TRMT2B: variants seen among roughly 807,000 people sequenced by gnomAD.
TRMT2B encodes tRNA methyltransferase 2B.
TRMT2B carries 34 observed loss-of-function variants against 39.7 expected under a neutral mutation model. That is an observed-to-expected ratio of 0.86 (90% CI 0.65 to 1.14). The LOEUF (loss-of-function observed/expected upper bound fraction) is 1.14, where lower values mean the gene tolerates loss of function less well. Ranked by LOEUF, TRMT2B falls within the 50% of genes most tolerant of loss-of-function variation. The pLI is 0.00. For missense variants in TRMT2B, 318 were observed against 377.2 expected (o/e 0.84, Z 1.30); for synonymous variants, 132 against 137.3 (o/e 0.96, Z 0.27).
At chrX:101,032,033 C>G (rs2087501479) in intron 7 of TRMT2B, among the ~76,000 whole-genome samples, 1 of 110,966 alleles carries the variant, frequency 9.0e-6, no homozygotes, top group Non-Finnish European at 1.9e-5. Context: ...TGCCTATAAT[C>G]CCAGCACTTT....
intron 2 of TRMT2B, among the ~76,000 whole-genome samples, chrX:101,049,522 G>T (rs949571842): frequency 2.2e-4 from 23 of 106,397 alleles, no homozygotes; most frequent in Non-Finnish European, 3.5e-4. Flanking sequence ...AGCCAGGCGG[G>T]GTGGCTCAGG....
the TRMT2B span, among the ~76,000 whole-genome samples, chrX:101,001,824 C>CAA: frequency 0.015 from 896 of 59,919 alleles, 30 homozygotes; most frequent in African/African-American, 0.057. Flanking sequence ...AAGTGATATT[C>CAA]AAAAAAAAAA....
intron 6 of TRMT2B, among the ~76,000 whole-genome samples, chrX:101,036,419 TG>T (rs1347979913): frequency 1.2e-5 from 1 of 82,994 alleles, no homozygotes; most frequent in African/African-American, 5.1e-5. Context: ...CACTCCAGCC[TG>T]GGTGACAGTG....
chrX:100,979,516 C>A, the TRMT2B span, among the ~76,000 whole-genome samples: 28 of 111,615 alleles, frequency 2.5e-4, no homozygotes, highest in African/African-American at 9.1e-4. Flanking sequence ...TTTGTGTTAT[C>A]TTGGACTTCA....
At chrX:101,042,456 G>A (rs977855225) in intron 2 of TRMT2B, 144 bp from the exon 3 acceptor site, 28 of 587,566 alleles carry the variant, frequency 4.8e-5, no homozygotes, top group Non-Finnish European at 6.5e-5. Flanking sequence ...CTGTTGAGCA[G>A]AACTGAATTA....
chrX:101,001,931 G>C, the TRMT2B span, among the ~76,000 whole-genome samples: 1 of 110,125 alleles, frequency 9.1e-6, no homozygotes, highest in African/African-American at 3.3e-5. Flanking sequence ...CCAAAGAACA[G>C]ATCCAGAGAC....
intron 7 of TRMT2B, among the ~76,000 whole-genome samples, chrX:101,028,279 C>T (rs1486092439): frequency 9.2e-6 from 1 of 109,163 alleles, no homozygotes; most frequent in East Asian, 2.9e-4. Flanking sequence ...CCACCACATC[C>T]GGCTAATTTT....
chrX:101,051,664 T>G lies in TRMT2B; in HGVS notation c.-437A>C. 1 of 754,856 alleles carries G rather than the reference T, an allele frequency of 1.3e-6. No homozygotes were observed. Among genetic ancestry groups the G allele is most frequent in the South Asian group, 6.7e-5 (1 of 14,880 alleles). The allele number at this position is 754,856 out of a possible 1,213,427, so 62.2% of individuals were successfully genotyped here. A position where few individuals can be genotyped will look rare whatever the true frequency, so the allele number is the denominator to read the frequency against. ...ACGACCTTGCGCAGTCACCGTCGGG[T>G]CCCGTCTCCAGCCCCGCCTGCCTCC... On this transcript the variant is annotated 5_prime_UTR_variant, in exon 2 of 14. Coordinates refer to ENST00000372936, the MANE Select transcript of TRMT2B (RefSeq NM_024917.6).
the TRMT2B span, chrX:100,987,347 C>T: frequency 9.3e-6 from 11 of 1,188,191 alleles, no homozygotes; most frequent in East Asian, 3.0e-5. Flanking sequence ...CCCCAGGGGT[C>T]CCAGGCTCCA....
At chrX:100,977,085 G>A in the TRMT2B span, among the ~76,000 whole-genome samples, 6 of 111,449 alleles carry the variant, frequency 5.4e-5, no homozygotes, top group Admixed American at 4.8e-4. Flanking sequence ...TATGAGATAC[G>A]TGAGATACGT....
At chrX:101,032,914 A>T (rs1052595327) in intron 7 of TRMT2B, among the ~76,000 whole-genome samples, 1 of 110,625 alleles carries the variant, frequency 9.0e-6, no homozygotes, top group Non-Finnish European at 1.9e-5. Flanking sequence ...AGCTTTTGAG[A>T]TATGGAAAAT....
chrX:100,986,985 T>C, the TRMT2B span: 4 of 605,741 alleles, frequency 6.6e-6, no homozygotes, highest in Middle Eastern at 3.3e-4. Flanking sequence ...GTCCCATATG[T>C]TGGGTTTGGG....
chrX:101,045,455 G>A (rs868020300), intron 2 of TRMT2B, among the ~76,000 whole-genome samples: 179 of 71,163 alleles, frequency 2.5e-3, no homozygotes, highest in African/African-American at 9.3e-3. Flanking sequence ...ACTTCATCTC[G>A]AAAAAAAAAA....
chrX:101,042,295 G>A lies in TRMT2B; in HGVS notation c.-6C>T, dbSNP rs1348271831. ...CTTCTCTTAAGGCCTGCCATCCAAAGAACACACTGAAATCCACCTGCATGA... is the reference window on the plus strand; with the variant it reads ...CTTCTCTTAAGGCCTGCCATCCAAAAAACACACTGAAATCCACCTGCATGA... On this transcript the variant is annotated 5_prime_UTR_variant, in exon 3 of 14. Coordinates refer to ENST00000372936, the MANE Select transcript of TRMT2B (RefSeq NM_024917.6). 3.3e-6 allele frequency: 4 copies of A among 1,204,407 alleles called. No homozygotes were observed. The highest frequency in any genetic ancestry group is 4.5e-6 in the Non-Finnish European group (4 of 891,845).
intron 2 of TRMT2B, among the ~76,000 whole-genome samples, chrX:101,046,140 A>C (rs1286375241): frequency 2.9e-5 from 2 of 68,468 alleles, no homozygotes; most frequent in Non-Finnish European, 5.3e-5. Context: ...AGTGAGACTC[A>C]GTCTCAAAAA....
the TRMT2B span, chrX:100,988,359 T>A: frequency 8.3e-7 from 1 of 1,206,997 alleles, no homozygotes; most frequent in Non-Finnish European, 1.1e-6. Context: ...TTCCCCCCCA[T>A]CATCTTCTTG....
At chrX:100,977,569 C>T in the TRMT2B span, among the ~76,000 whole-genome samples, 1 of 109,768 alleles carries the variant, frequency 9.1e-6, no homozygotes, top group East Asian at 2.9e-4. Context: ...TTATTAGAGA[C>T]GAGGTCTCAC....
At chrX:101,040,354 TGTGA>T (rs1204954161) in intron 4 of TRMT2B, among the ~76,000 whole-genome samples, 11 of 108,432 alleles carry the variant, frequency 1.0e-4, no homozygotes, top group African/African-American at 3.7e-4. Context: ...AAGAGGGCTA[TGTGA>T]GTCAGATGGA....
rs1187829687 is a variant in TRMT2B, at chrX:101,009,540, T to TC, written c.*1040dup. On this transcript the variant is annotated 3_prime_UTR_variant, in exon 14 of 14. Coordinates refer to ENST00000372936, the MANE Select transcript of TRMT2B (RefSeq NM_024917.6). ...ATTGCTCCTAGGGATAACTACATTTTCTTTTTTTTTTTTTTTTTGAGATGG... is the reference window on the plus strand; with the variant it reads ...ATTGCTCCTAGGGATAACTACATTTTCCTTTTTTTTTTTTTTTTTGAGATGG... 1 of 80,254 alleles carries TC rather than the reference T, an allele frequency of 1.2e-5. No individual in the cohort carries two copies. The highest frequency in any genetic ancestry group is 1.4e-4 in the Admixed American group (1 of 7,231). The allele number at this position is 80,254 out of a possible 1,213,427, so 6.6% of individuals were successfully genotyped here. A position where few individuals can be genotyped will look rare whatever the true frequency, so the allele number is the denominator to read the frequency against.
Sources: gnomAD v4.1 joint callset for allele counts (sites outside exome capture counted in the v4.1 genomes callset) on GRCh38, gnomAD v4.1.1 for gene constraint, MANE v1.5 for transcripts, NCBI Gene and HGNC (gene_info 2026-07-23, HGNC 2026-07-21) for gene names.